Variants in PPP2R5D observed in about 807,000 individuals in gnomAD.
PPP2R5D encodes protein phosphatase 2 regulatory subunit B'delta.
Under a neutral mutation model 79.1 loss-of-function variants are expected in PPP2R5D, and 12 were observed. That is an observed-to-expected ratio of 0.15 (90% CI 0.10 to 0.25). PPP2R5D has a LOEUF of 0.25. PPP2R5D is among the 10% of genes least tolerant of loss of function. The pLI is 1.00. For synonymous variants in PPP2R5D, 277 were observed against 286.6 expected, an observed-to-expected ratio of 0.97 and a Z score of 0.34; for missense variants, 419 against 760.2, an observed-to-expected ratio of 0.55 and a Z score of 5.28.
intron 1 of PPP2R5D, among the ~76,000 whole-genome samples, chr6:42,987,014 G>A (rs1400966317): frequency 3.9e-5 from 6 of 152,258 alleles, no homozygotes; most frequent in African/African-American, 1.4e-4. Context: ...ATGGCTGTGG[G>A]TGGAGGATCT....
At chr6:42,999,346 C>T (rs922645051) in intron 2 of PPP2R5D, among the ~76,000 whole-genome samples, 1 of 152,170 alleles carries the variant, frequency 6.6e-6, no homozygotes, top group Non-Finnish European at 1.5e-5. Flanking sequence ...CAGCCAGGGG[C>T]TTCGCTGGCA....
Position 43,009,056 on chromosome 6 carries a change from G to T in PPP2R5D, c.1081-1G>T. On this transcript the variant is annotated splice_acceptor_variant, in intron 10 of 15. Transcript: ENST00000485511. LOFTEE classifies it high-confidence loss of function. The surrounding 1 kb of genome is among the most constrained non-coding windows in gnomAD (Gnocchi z 5.6). Reference sequence around the variant, plus strand: ...ATCCCCATGCCCTCCTTGTCTCCCAGGTAATTGTGGGACTTCTCAAGTTTT... The same window carrying T: ...ATCCCCATGCCCTCCTTGTCTCCCATGTAATTGTGGGACTTCTCAAGTTTT... 1 of 1,613,564 alleles carries T rather than the reference G, an allele frequency of 6.2e-7. No individual in the cohort carries two copies. Among genetic ancestry groups the T allele is most frequent in the Non-Finnish European group, 8.5e-7 (1 of 1,179,720 alleles).
intron 1 of PPP2R5D, among the ~76,000 whole-genome samples, chr6:42,988,921 AG>A (rs976100328): frequency 1.3e-5 from 2 of 152,202 alleles, no homozygotes; most frequent in African/African-American, 4.8e-5. Flanking sequence ...GATGCTGGGC[AG>A]GCCAGGGCTC....
intron 2 of PPP2R5D, among the ~76,000 whole-genome samples, chr6:42,995,954 G>A (rs1308895172): frequency 6.8e-6 from 1 of 147,766 alleles, no homozygotes; most frequent in Non-Finnish European, 1.5e-5. Context: ...TCCGCCCCCC[G>A]GGGTTCACGC....
Position 43,012,134 on chromosome 6 carries a change from G to A in PPP2R5D, c.*848G>A, listed in dbSNP as rs750614384. ...TTTATTTCCTTGTTTGTGCTATGCTGGGCAGGCCTTCTCTTGTCCCTTATA... is the reference window on the plus strand; with the variant it reads ...TTTATTTCCTTGTTTGTGCTATGCTAGGCAGGCCTTCTCTTGTCCCTTATA... On this transcript the variant is annotated 3_prime_UTR_variant, in exon 16 of 16. Coordinates refer to ENST00000485511, the MANE Select transcript of PPP2R5D (RefSeq NM_006245.4). 2.9e-5 allele frequency: 26 copies of A among 901,868 alleles called. No individual in the cohort carries two copies. Among genetic ancestry groups the A allele is most frequent in the Non-Finnish European group, 3.4e-5 (25 of 739,872 alleles). The allele number at this position is 901,868 out of a possible 1,614,324, so 55.9% of individuals were successfully genotyped here.
rs1301114554 is a variant in PPP2R5D, at chr6:43,007,160, A to C, written c.523-36A>C. ...GGGGACTGGTGAGGGGCTCTGGAGA[A>C]GCCCAGGTGGAGCTCTAACTGGCCC... On this transcript the variant is annotated intron_variant, in intron 4 of 15. Coordinates refer to ENST00000485511, the MANE Select transcript of PPP2R5D (RefSeq NM_006245.4). The surrounding 1 kb of genome is among the most constrained non-coding windows in gnomAD (Gnocchi z 4.5). 1 of 1,614,104 alleles carries C rather than the reference A, an allele frequency of 6.2e-7. No individual in the cohort carries two copies. The highest frequency in any genetic ancestry group is 1.1e-5 in the South Asian group (1 of 91,084).
At chr6:42,986,975 G>A (rs1362125612) in intron 1 of PPP2R5D, among the ~76,000 whole-genome samples, 1 of 152,140 alleles carries the variant, frequency 6.6e-6, no homozygotes, top group African/African-American at 2.4e-5. Context: ...GGGGCAGGGG[G>A]GTTGCCAGTG....
Position 43,009,762 on chromosome 6 carries a change from G to A in PPP2R5D, c.1379+313G>A, listed in dbSNP as rs1762259353. On this transcript the variant is annotated intron_variant, in intron 12 of 15. Transcript: ENST00000485511. This position sits in a 1 kb window ranked among gnomAD's most constrained non-coding sequence, Gnocchi z 5.6. ...CTGATGTGACCTTCTTTGAGAGTAT[G>A]TGTAAAGAATCCCAGGGTTTTAGGC... is the stretch of plus-strand genomic sequence containing the variant. Among the ~76,000 whole-genome samples, 1 of 152,178 alleles carries A rather than the reference G, an allele frequency of 6.6e-6. No homozygotes were observed. Among genetic ancestry groups the A allele is most frequent in the Non-Finnish European group, 1.5e-5 (1 of 68,038 alleles).
Position 43,012,269 on chromosome 6 carries a change from T to C in PPP2R5D, c.*983T>C, listed in dbSNP as rs1007458427. 6.7e-6 allele frequency: 9 copies of C among 1,344,002 alleles called. No individual in the cohort carries two copies. Among genetic ancestry groups the C allele is most frequent in the Non-Finnish European group, 6.7e-6 (7 of 1,046,622 alleles). The allele number at this position is 1,344,002 out of a possible 1,614,324, so 83.3% of individuals were successfully genotyped here. ...GGGTGCTTTATTCTCCACAGAGTGA[T>C]ACATGCTAAGGTGGGTTGGGCTTGG... is the stretch of plus-strand genomic sequence containing the variant. On this transcript the variant is annotated 3_prime_UTR_variant, in exon 16 of 16. Coordinates refer to ENST00000485511, the MANE Select transcript of PPP2R5D (RefSeq NM_006245.4).
rs1029670551 is a variant in PPP2R5D at position 43,006,219 on chromosome 6, A to G, written c.106-244A>G. ...TTTACCTGTTCATGAACTGGAATGAACGTTTTAAAGGCTCTTGATGCACAA... is the reference window on the plus strand; with the variant it reads ...TTTACCTGTTCATGAACTGGAATGAGCGTTTTAAAGGCTCTTGATGCACAA... On this transcript the variant is annotated intron_variant, in intron 2 of 15. Coordinates refer to ENST00000485511, the MANE Select transcript of PPP2R5D (RefSeq NM_006245.4). This position sits in a 1 kb window ranked among gnomAD's most constrained non-coding sequence, Gnocchi z 4.7. Among the ~76,000 whole-genome samples, 3 of 152,186 alleles carry G rather than the reference A, an allele frequency of 2.0e-5. No homozygotes were observed. Among genetic ancestry groups the G allele is most frequent in the Non-Finnish European group, 2.9e-5 (2 of 68,036 alleles).
chr6:43,003,248 C>T (rs1226438594), intron 2 of PPP2R5D, among the ~76,000 whole-genome samples: 1 of 152,068 alleles, frequency 6.6e-6, no homozygotes, highest in East Asian at 1.9e-4. Context: ...CGTGGAGAAA[C>T]CCCATCTCTA....
Position 43,010,840 on chromosome 6 carries a change from C to T in PPP2R5D, c.1555-41C>T. The T allele has an allele frequency of 1.9e-6, 3 of 1,604,224 alleles. No homozygotes were observed. The highest frequency in any genetic ancestry group is 2.6e-6 in the Non-Finnish European group (3 of 1,171,796). On this transcript the variant is annotated intron_variant, in intron 14 of 15. Coordinates refer to ENST00000485511, the MANE Select transcript of PPP2R5D (RefSeq NM_006245.4). This position sits in a 1 kb window ranked among gnomAD's most constrained non-coding sequence, Gnocchi z 4.7. ...ATGGGGCACACAGGCCCCCAAGCCT[C>T]TGAAGTGGCTCTTAACGCTTGTCCA...
At chr6:42,986,306 G>C (rs918178612) in intron 1 of PPP2R5D, among the ~76,000 whole-genome samples, 5 of 152,022 alleles carry the variant, frequency 3.3e-5, no homozygotes, top group African/African-American at 1.2e-4. Context: ...TTTGGTGGGG[G>C]TTGGCTCTGG....
chr6:42,998,015 TTATATA>T (rs1561843629), intron 2 of PPP2R5D, among the ~76,000 whole-genome samples: 878 of 32,108 alleles, frequency 0.027, 17 homozygotes, highest in Non-Finnish European at 0.029. Context: ...TGGGTTTTAT[TTATATA>T]TATATATATA....
In PPP2R5D at chr6:42,984,631, A is replaced by C. The variant is rs1770683016; in HGVS notation, c.-47A>C. On this transcript the variant is annotated 5_prime_UTR_variant, in exon 1 of 16. Coordinates refer to ENST00000485511, the MANE Select transcript of PPP2R5D (RefSeq NM_006245.4). ...GCCGAGTGCGGCCGAGCAAAGCCGGAGCCGGAGCGGGGCCGCAGGAGACGG... is the reference window on the plus strand; with the variant it reads ...GCCGAGTGCGGCCGAGCAAAGCCGGCGCCGGAGCGGGGCCGCAGGAGACGG... The C allele has an allele frequency of 6.4e-7, 1 of 1,571,610 alleles. No homozygotes were observed. Among genetic ancestry groups the C allele is most frequent in the East Asian group, 2.3e-5 (1 of 42,702 alleles).
rs781692859 is a variant in PPP2R5D at position 43,007,552 on chromosome 6, C to A, written c.726+46C>A. On this transcript the variant is annotated intron_variant, in intron 6 of 15. Coordinates refer to ENST00000485511, the MANE Select transcript of PPP2R5D (RefSeq NM_006245.4). The surrounding 1 kb of genome is among the most constrained non-coding windows in gnomAD (Gnocchi z 4.5). ...CCTTGCCCTCTCTTTCCATTCCATG[C>A]CCCCTTCATCTGTGTCCCAGTGGCT... 4.0e-6 allele frequency: 6 copies of A among 1,490,208 alleles called. No homozygotes were observed. The highest frequency in any genetic ancestry group is 1.4e-5 in the African/African-American group (1 of 72,094). 92.3% of individuals were successfully genotyped at this position (1,490,208 alleles called of 1,614,324 possible). A position where few individuals can be genotyped will look rare whatever the true frequency, so the allele number is the denominator to read the frequency against.
rs1306957561 is a variant in PPP2R5D, at chr6:43,007,562, C to G, written c.726+56C>G. The G allele has an allele frequency of 6.8e-6, 10 of 1,467,546 alleles. No individual in the cohort carries two copies. The highest frequency in any genetic ancestry group is 9.5e-6 in the Non-Finnish European group (10 of 1,047,442). The allele number at this position is 1,467,546 out of a possible 1,614,324, so 90.9% of individuals were successfully genotyped here. On this transcript the variant is annotated intron_variant, in intron 6 of 15. Transcript: ENST00000485511. This position sits in a 1 kb window ranked among gnomAD's most constrained non-coding sequence, Gnocchi z 4.5. Reference sequence around the variant, plus strand: ...TCTTTCCATTCCATGCCCCCTTCATCTGTGTCCCAGTGGCTCTTTCCCCTT... The same window carrying G: ...TCTTTCCATTCCATGCCCCCTTCATGTGTGTCCCAGTGGCTCTTTCCCCTT...
chr6:43,008,949 C>T lies in PPP2R5D; in HGVS notation c.1081-108C>T, dbSNP rs1762226797. ...AAAGAAACGGGTAGCTGGCTGAGAT[C>T]ACCCAAACTGTGCCCACCAGGGTGG... On this transcript the variant is annotated intron_variant, in intron 10 of 15. Transcript: ENST00000485511. This position sits in a 1 kb window ranked among gnomAD's most constrained non-coding sequence, Gnocchi z 4.2. 7.2e-7 allele frequency: 1 copy of T among 1,381,250 alleles called. No individual in the cohort carries two copies. Among genetic ancestry groups the T allele is most frequent in the Admixed American group, 2.0e-5 (1 of 50,738 alleles). The allele number at this position is 1,381,250 out of a possible 1,614,324, so 85.6% of individuals were successfully genotyped here.
At chr6:42,998,247 G>T (rs1369241223) in intron 2 of PPP2R5D, among the ~76,000 whole-genome samples, 2 of 148,902 alleles carry the variant, frequency 1.3e-5, no homozygotes, top group Non-Finnish European at 3.0e-5. Context: ...GCTAATTTTT[G>T]TATTTTTAGT....
Sources: gnomAD v4.1 joint callset for allele counts (sites outside exome capture counted in the v4.1 genomes callset) on GRCh38, gnomAD v4.1.1 for gene constraint, Gnocchi (gnomAD v3.1) non-coding constraint, MANE v1.5 for transcripts, NCBI Gene and HGNC (gene_info 2026-07-23, HGNC 2026-07-21) for gene names.